NYNRIN: variants seen among roughly 807,000 people sequenced by gnomAD.
NYNRIN encodes NYN domain and retroviral integrase containing.
Under a neutral mutation model 146.6 loss-of-function variants are expected in NYNRIN, and 86 were observed. The observed-to-expected ratio is 0.59, with a 90% CI of 0.49 to 0.70. The LOEUF (loss-of-function observed/expected upper bound fraction) is 0.70, where lower values mean the gene tolerates loss of function less well. NYNRIN is among the 30% of genes least tolerant of loss of function. The pLI is 0.00. For missense variants in NYNRIN, 2,191 were observed against 2,377.7 expected (o/e 0.92, Z 1.63); for synonymous variants, 1,027 against 1,001.3 (o/e 1.03, Z -0.48).
chr14:24,413,256 A>G, intron 7 of NYNRIN, 60 bp from the exon 8 acceptor site: 1 of 1,519,114 alleles, frequency 6.6e-7, no homozygotes, highest in Non-Finnish European at 9.0e-7. Context: ...CCAGGCGACA[A>G]CAGGGTGTGG....
At position 24,413,386 on chromosome 14, in the gene NYNRIN, A is replaced by C. The variant is rs368950291; in HGVS notation, c.2815A>C (p.Thr939Pro). The C allele has an allele frequency of 3.7e-6, 6 of 1,612,874 alleles. No individual in the cohort carries two copies. Among genetic ancestry groups the C allele is most frequent in the Non-Finnish European group, 5.1e-6 (6 of 1,179,472 alleles). ...PDDPLGRDGP[T>P]LDEFLKKPNR... ...TGACCCCCTGGGCCGTGATGGCCCCACCTTGGATGAGTTTCTGAAGAAGCC... is the reference window on the plus strand; with the variant it reads ...TGACCCCCTGGGCCGTGATGGCCCCCCCTTGGATGAGTTTCTGAAGAAGCC... Residue 939 changes from threonine (T) to proline (P), a missense_variant, in exon 8 of 9, where the codon ACC becomes CCC. Thr to Pro is a conservative substitution (Grantham distance 38). Transcript: ENST00000382554.
rs1290260614 is a variant in NYNRIN, at chr14:24,416,788, C to G, written c.5039C>G (p.Ala1680Gly). The change falls in exon 9 of 9, where the codon GCC becomes GGC. Residue 1680 changes from alanine (A) to glycine (G), a missense_variant. Physicochemically the swap from Ala to Gly is moderately conservative, Grantham distance 60. This residue lies in a region of NYNRIN where 1,291 missense variants were observed against 1,417.0 expected (regional missense o/e 0.91). Coordinates refer to ENST00000382554, the MANE Select transcript of NYNRIN (RefSeq NM_025081.3). ...GGTGTTCCTGTGAGGCTGGAGGCAGCCCAGGGGCCCCAGTTTGCCCGGCAC... is the reference window on the plus strand; with the variant it reads ...GGTGTTCCTGTGAGGCTGGAGGCAGGCCAGGGGCCCCAGTTTGCCCGGCAC... The part of the protein sequence containing the change: ...RWGVPVRLEA[A>G]QGPQFARHVL... 6.2e-7 allele frequency: 1 copy of G among 1,612,918 alleles called. No homozygotes were observed. Among genetic ancestry groups the G allele is most frequent in the Non-Finnish European group, 8.5e-7 (1 of 1,179,386 alleles).
chr14:24,408,288 C>G lies in NYNRIN; in HGVS notation c.618C>G (p.Leu206=). 6.2e-7 allele frequency: 1 copy of G among 1,612,510 alleles called. No individual in the cohort carries two copies. The highest frequency in any genetic ancestry group is 8.5e-7 in the Non-Finnish European group (1 of 1,179,890). ...GCAAGGAAGACATCATCGAGTGGCT[C>G]AGCCGCTTCGGCATCTCTGACTCCC... is the stretch of plus-strand genomic sequence containing the variant. ...AAGKEDIIEW[L]SRFGISDSHS... is the part of the protein sequence containing the mutation. The change falls in exon 3 of 9, where the codon CTC becomes CTG. Residue 206 remains leucine (L), a synonymous_variant. Transcript: ENST00000382554.
rs1309336404 is a variant in NYNRIN at position 24,405,011 on chromosome 14, TGTGTGTGTGTGTGTGTGA to T, written c.199-2856_199-2839del. On this transcript the variant is annotated intron_variant, in intron 2 of 8. Coordinates refer to ENST00000382554, the MANE Select transcript of NYNRIN (RefSeq NM_025081.3). ...TGCCAAGCCTGTGTGTGTGTGTGTG[TGTGTGTGTGTGTGTGTGA>T]GAGAATGTGTGTGTGTGAATGTGTG... is the stretch of plus-strand genomic sequence containing the variant. 3.6e-4 allele frequency among the ~76,000 whole-genome samples: 8 copies of T among 21,938 alleles called. 1 individual carries two copies. The South Asian group carries it at 0.017, about 46-fold the overall frequency. 14.4% of individuals were successfully genotyped at this position (21,938 alleles called of 152,430 possible).
chr14:24,416,096 C>T lies in NYNRIN; in HGVS notation c.4347C>T (p.Ala1449=). The change falls in exon 9 of 9, where the codon GCC becomes GCT. Residue 1449 remains alanine, a synonymous_variant. Transcript: ENST00000382554. ...VTVDTLAKQG[A]QGGGQWWSLP... Reference sequence around the variant, plus strand: ...TGGACACCCTGGCCAAGCAGGGTGCCCAGGGGGGTGGGCAGTGGTGGAGTT... The same window carrying T: ...TGGACACCCTGGCCAAGCAGGGTGCTCAGGGGGGTGGGCAGTGGTGGAGTT... 1 of 1,613,984 alleles carries T rather than the reference C, an allele frequency of 6.2e-7. No individual in the cohort carries two copies. The highest frequency in any genetic ancestry group is 8.5e-7 in the Non-Finnish European group (1 of 1,179,890).
chr14:24,401,446 G>A (rs1345617778), intron 2 of NYNRIN, among the ~76,000 whole-genome samples: 1 of 147,348 alleles, frequency 6.8e-6, no homozygotes, highest in Non-Finnish European at 1.5e-5. Flanking sequence ...GGCGGGGGGG[G>A]TTAAAGTTTT....
chr14:24,410,153 C>A lies in NYNRIN; in HGVS notation c.2359C>A (p.Pro787Thr), dbSNP rs751504287. The A allele has an allele frequency of 3.3e-5, 53 of 1,612,564 alleles. No homozygotes were observed. The highest frequency in any genetic ancestry group is 1.6e-4 in the Middle Eastern group (1 of 6,076). Residue 787 changes from proline to threonine, a missense_variant, in exon 4 of 9, where the codon CCT becomes ACT. Transcript: ENST00000382554. ...TPFELNLSGE[P>T]GNQGLRRVVI... ...CTTCGAGCTGAACCTGTCAGGGGAA[C>A]CTGGAAACCAGGGGTTGCGGCGAGT...
chr14:24,411,118 G>A lies in NYNRIN; in HGVS notation c.2457G>A (p.Met819Ile), dbSNP rs370778319. ...TCTTCTCCTGCCGAGGAATTGCCATGGCAGTGCAGTTTTTCTGGAACCGGG... is the reference window on the plus strand; with the variant it reads ...TCTTCTCCTGCCGAGGAATTGCCATAGCAGTGCAGTTTTTCTGGAACCGGG... ...QHFFSCRGIA[M>I]AVQFFWNRGH... is the part of the protein sequence containing the mutation. Residue 819 changes from methionine to isoleucine, a missense_variant, in exon 5 of 9, where the codon ATG becomes ATA. By Grantham distance (10) the Met-to-Ile change is conservative. Coordinates refer to ENST00000382554, the MANE Select transcript of NYNRIN (RefSeq NM_025081.3). The surrounding 1 kb of genome is among the most constrained non-coding windows in gnomAD (Gnocchi z 4.3). 2.5e-6 allele frequency: 4 copies of A among 1,613,560 alleles called. No homozygotes were observed. Among genetic ancestry groups the A allele is most frequent in the East Asian group, 4.5e-5 (2 of 44,880 alleles).
Position 24,408,887 on chromosome 14 carries a change from G to T in NYNRIN, c.1093G>T (p.Ala365Ser), listed in dbSNP as rs762424673. The change falls in exon 4 of 9, where the codon GCT becomes TCT. Residue 365 changes from alanine (A) to serine (S), a missense_variant. Physicochemically the swap from Ala to Ser is moderately conservative, Grantham distance 99 (BLOSUM62 1). This residue lies in a region of NYNRIN where 895 missense variants were observed against 941.2 expected (regional missense o/e 0.95). Coordinates refer to ENST00000382554, the MANE Select transcript of NYNRIN (RefSeq NM_025081.3). ...TGGGCCATTGTGGCCGGGGGCTATT[G>T]CTGCAACCTTCTGGAGGATCAATGA... is the stretch of plus-strand genomic sequence containing the variant. The part of the protein sequence containing the change: ...AFGPLWPGAI[A>S]ATFWRINELH... The T allele has an allele frequency of 6.2e-7, 1 of 1,613,998 alleles. No individual in the cohort carries two copies. The highest frequency in any genetic ancestry group is 8.5e-7 in the Non-Finnish European group (1 of 1,179,886).
At position 24,410,152 on chromosome 14, in the gene NYNRIN, A is replaced by T. The variant is rs1165269034; in HGVS notation, c.2358A>T (p.Glu786Asp). The T allele has an allele frequency of 6.2e-7, 1 of 1,612,750 alleles. No homozygotes were observed. The highest frequency in any genetic ancestry group is 1.7e-5 in the Admixed American group (1 of 59,982). Reference protein sequence around the residue: ...NTPFELNLSGEPGNQGLRRVV... With the variant: ...NTPFELNLSGDPGNQGLRRVV... Reference sequence around the variant, plus strand: ...CCTTCGAGCTGAACCTGTCAGGGGAACCTGGAAACCAGGGGTTGCGGCGAG... The same window carrying T: ...CCTTCGAGCTGAACCTGTCAGGGGATCCTGGAAACCAGGGGTTGCGGCGAG... Residue 786 changes from glutamate (E) to aspartate (D), a missense_variant, in exon 4 of 9, where the codon GAA becomes GAT. Physicochemically the swap from Glu to Asp is conservative, Grantham distance 45 (BLOSUM62 2). Transcript: ENST00000382554.
At position 24,408,154 on chromosome 14, in the gene NYNRIN, G is replaced by A. The variant is rs754522325; in HGVS notation, c.484G>A (p.Ala162Thr). The A allele has an allele frequency of 1.2e-6, 2 of 1,603,734 alleles. No homozygotes were observed. Among genetic ancestry groups the A allele is most frequent in the East Asian group, 4.5e-5 (2 of 44,802 alleles). The change falls in exon 3 of 9, where the codon GCC becomes ACC. Residue 162 changes from alanine (A) to threonine (T), a missense_variant. Coordinates refer to ENST00000382554, the MANE Select transcript of NYNRIN (RefSeq NM_025081.3). ...RGIWEAEVTR[A>T]FGALVWIRGD... ...GATCTGGGAGGCTGAGGTGACCCGG[G>A]CCTTTGGGGCCCTGGTCTGGATCCG...
Position 24,408,677 on chromosome 14 carries a change from A to T in NYNRIN, c.883A>T (p.Met295Leu), listed in dbSNP as rs1339437007. The change falls in exon 4 of 9, where the codon ATG (methionine) becomes TTG (leucine). Residue 295 changes from methionine (M) to leucine (L), a missense_variant. By Grantham distance (15) the Met-to-Leu change is conservative (BLOSUM62 2). Coordinates refer to ENST00000382554, the MANE Select transcript of NYNRIN (RefSeq NM_025081.3). ...VRVGSNNQDG[M>L]DSAQEEGTVQ... ...GGTCGGTTCCAACAACCAAGATGGT[A>T]TGGACAGTGCTCAAGAGGAAGGGAC... 2 of 1,611,476 alleles carry T rather than the reference A, an allele frequency of 1.2e-6. No individual in the cohort carries two copies. The highest frequency in any genetic ancestry group is 2.7e-5 in the African/African-American group (2 of 74,862).
rs2042967627 is a variant in NYNRIN, at chr14:24,419,089, T to A, written c.*1643T>A. 6.6e-6 allele frequency: 1 copy of A among 152,390 alleles called. No individual in the cohort carries two copies. The highest frequency in any genetic ancestry group is 2.4e-5 in the African/African-American group (1 of 41,546). The allele number at this position is 152,390 out of a possible 1,614,324, so 9.4% of individuals were successfully genotyped here. A position where few individuals can be genotyped will look rare whatever the true frequency, so the allele number is the denominator to read the frequency against. On this transcript the variant is annotated 3_prime_UTR_variant, in exon 9 of 9. Coordinates refer to ENST00000382554, the MANE Select transcript of NYNRIN (RefSeq NM_025081.3). ...TAGCTGAGAAGTGGAAAGTGTGGGA[T>A]TTTTGGCAGGTGCTCTCTTTCCTCC...
In NYNRIN at chr14:24,415,300, A is replaced by G. The variant is rs376021092; in HGVS notation, c.3551A>G (p.His1184Arg). The change falls in exon 9 of 9, where the codon CAC (histidine) becomes CGC (arginine). Residue 1184 changes from histidine (H) to arginine (R), a missense_variant. Physicochemically the swap from His to Arg is conservative, Grantham distance 29 (BLOSUM62 0). Coordinates refer to ENST00000382554, the MANE Select transcript of NYNRIN (RefSeq NM_025081.3). ...ILHQEHSGRK[H>R]PIAYTSKPLL... ...CATCAGGAGCACTCAGGGAGGAAGCACCCCATAGCCTATACCTCAAAACCC... is the reference window on the plus strand; with the variant it reads ...CATCAGGAGCACTCAGGGAGGAAGCGCCCCATAGCCTATACCTCAAAACCC... 2.4e-5 allele frequency: 38 copies of G among 1,613,716 alleles called. No individual in the cohort carries two copies. In the African/African-American group the frequency reaches 3.6e-4, roughly 15 times the overall value.
Position 24,411,305 on chromosome 14 carries a change from C to T in NYNRIN, c.2546-49C>T. ...CTCTGCCACCCCAGAGTGGCCATTT[C>T]CACTTAGCCCTCCCTTGACCATTTC... is the stretch of plus-strand genomic sequence containing the variant. On this transcript the variant is annotated intron_variant, in intron 5 of 8. Transcript: ENST00000382554. This position sits in a 1 kb window ranked among gnomAD's most constrained non-coding sequence, Gnocchi z 4.3. 6.2e-7 allele frequency: 1 copy of T among 1,612,480 alleles called. No individual in the cohort carries two copies. The highest frequency in any genetic ancestry group is 8.5e-7 in the Non-Finnish European group (1 of 1,178,570).
Position 24,413,415 on chromosome 14 carries a change from CA to C in NYNRIN, c.2845del (p.Arg949GlyfsTer10). The C allele has an allele frequency of 6.2e-7, 1 of 1,608,920 alleles. No homozygotes were observed. Among genetic ancestry groups the C allele is most frequent in the Non-Finnish European group, 8.5e-7 (1 of 1,177,226 alleles). On this transcript the variant is annotated frameshift_variant and splice_region_variant, in exon 8 of 9. Coordinates refer to ENST00000382554, the MANE Select transcript of NYNRIN (RefSeq NM_025081.3). LOFTEE classifies it high-confidence loss of function. ...TGGATGAGTTTCTGAAGAAGCCAAA[CA>C]GGTAATAGGTCAGACCTCCCCAGCC... is the stretch of plus-strand genomic sequence containing the variant. Reference protein sequence around the residue: ...TLDEFLKKPNRLDTDIGNFLK... With the variant: ...TLDEFLKKPNXLDTDIGNFLK...
intron 2 of NYNRIN, among the ~76,000 whole-genome samples, chr14:24,405,674 A>ATATGTGTGATC (rs2042871675): frequency 6.6e-6 from 1 of 152,212 alleles, no homozygotes; most frequent in African/African-American, 2.4e-5. Context: ...ATCCCAGCCT[A>ATATGTGTGATC]CTAACTGTGT....
In NYNRIN at chr14:24,399,012, G is replaced by A. The variant is rs945110443; in HGVS notation, c.-92G>A. The A allele has an allele frequency of 6.1e-6, 3 of 493,122 alleles. No individual in the cohort carries two copies. In the African/African-American group the frequency reaches 6.2e-5, roughly 10 times the overall value. The allele number at this position is 493,122 out of a possible 1,614,324, so 30.5% of individuals were successfully genotyped here. ...GTCCCACCCCTAGCTACAACCCCGG[G>A]CAGGAAGAGCTCGTCGCGGTAGCAG... is the stretch of plus-strand genomic sequence containing the variant. On this transcript the variant is annotated 5_prime_UTR_variant, in exon 1 of 9. Coordinates refer to ENST00000382554, the MANE Select transcript of NYNRIN (RefSeq NM_025081.3).
chr14:24,416,759 G>A lies in NYNRIN; in HGVS notation c.5010G>A (p.Arg1670=), dbSNP rs760237300. 3.5e-5 allele frequency: 56 copies of A among 1,613,716 alleles called. No individual in the cohort carries two copies. In the East Asian group the frequency reaches 1.1e-3, roughly 33 times the overall value. ...AQVLLQHVFA[R]WGVPVRLEAA... Reference sequence around the variant, plus strand: ...TGCTGCTTCAGCATGTGTTTGCAAGGTGGGGTGTTCCTGTGAGGCTGGAGG... The same window carrying A: ...TGCTGCTTCAGCATGTGTTTGCAAGATGGGGTGTTCCTGTGAGGCTGGAGG... The change falls in exon 9 of 9, where the codon AGG becomes AGA. Residue 1670 remains arginine, a synonymous_variant. Transcript: ENST00000382554.
Sources: allele counts gnomAD v4.1 joint callset (sites outside exome capture counted in the v4.1 genomes callset), GRCh38; gene constraint gnomAD v4.1.1; regional missense constraint gnomAD v4.1.1; non-coding constraint Gnocchi (gnomAD v3.1); transcripts MANE v1.5; gene names NCBI Gene and HGNC (gene_info 2026-07-23, HGNC 2026-07-21).